RAB33A: variants seen among roughly 807,000 people sequenced by gnomAD.
RAB33A encodes the protein RAB33A, member RAS oncogene family, also known as ras-related protein Rab-33A.
RAB33A carries 6 observed loss-of-function variants against 12.0 expected under a neutral mutation model. The ratio of observed to expected loss-of-function variants is 0.50; its 90% CI spans 0.27 to 0.99. The LOEUF (loss-of-function observed/expected upper bound fraction) is 0.99, where lower values mean the gene tolerates loss of function less well. Among genes scored for constraint, RAB33A ranks in the 50% least tolerant of loss-of-function variants. The pLI, the probability that RAB33A is intolerant of heterozygous loss-of-function variation, is 0.11. For missense variants in RAB33A, 109 were observed against 192.0 expected, an observed-to-expected ratio of 0.57 and a Z score of 2.55; for synonymous variants, 70 against 82.4, an observed-to-expected ratio of 0.85 and a Z score of 0.81.
chrX:130,165,093 AT>A, the RAB33A span, among the ~76,000 whole-genome samples: 6 of 110,400 alleles, frequency 5.4e-5, no homozygotes, highest in African/African-American at 2.0e-4. Context: ...TTCACTGGGC[AT>A]TCAAATCCAT....
chrX:130,119,527 G>C, the RAB33A span, among the ~76,000 whole-genome samples: 1 of 111,240 alleles, frequency 9.0e-6, no homozygotes, highest in Non-Finnish European at 1.9e-5. Flanking sequence ...GGGGGCAGGG[G>C]GACGTCAAGC....
the RAB33A span, among the ~76,000 whole-genome samples, chrX:130,150,952 T>C: frequency 1.3e-5 from 1 of 76,213 alleles, no homozygotes. Flanking sequence ...CACTCCAGCC[T>C]GGGCGATAGA....
At chrX:130,136,741 C>T in the RAB33A span, 2 of 1,199,974 alleles carry the variant, frequency 1.7e-6, no homozygotes, top group African/African-American at 1.8e-5. Context: ...TCTGTAAAGG[C>T]AAACAAGACC....
At chrX:130,177,864 G>C (rs2124686675) in intron 1 of RAB33A, among the ~76,000 whole-genome samples, 1 of 112,227 alleles carries the variant, frequency 8.9e-6, no homozygotes, top group Admixed American at 9.4e-5. Flanking sequence ...GTGGCTAAGA[G>C]GCAGTCTTCA....
chrX:130,156,350 TCC>T, the RAB33A span: 1 of 1,062,742 alleles, frequency 9.4e-7, no homozygotes, highest in Admixed American at 2.3e-5. Flanking sequence ...TGAAAATTTT[TCC>T]AAAAGGAGAA....
the RAB33A span, among the ~76,000 whole-genome samples, chrX:130,135,439 T>TAAAAA: frequency 4.1e-5 from 3 of 72,964 alleles, no homozygotes; most frequent in African/African-American, 1.8e-4. Context: ...TTTTTTTTTT[T>TAAAAA]AAAAAAAAAA....
chrX:130,117,742 C>G, the RAB33A span, among the ~76,000 whole-genome samples: 1 of 112,608 alleles, frequency 8.9e-6, no homozygotes, highest in Non-Finnish European at 1.9e-5. Context: ...CTGCCCTGGG[C>G]TCCTATCAGA....
At chrX:130,136,986 C>T in the RAB33A span, 6 of 1,202,784 alleles carry the variant, frequency 5.0e-6, no homozygotes, top group East Asian at 3.0e-5. Flanking sequence ...GGTGATAGGG[C>T]TTATGTCAAG....
intron 1 of RAB33A, among the ~76,000 whole-genome samples, chrX:130,174,952 G>A (rs2031649282): frequency 2.7e-5 from 3 of 110,758 alleles, no homozygotes; most frequent in African/African-American, 6.6e-5. Context: ...GAGTCCTGAT[G>A]AACTCAATTG....
the RAB33A span, chrX:130,130,154 C>A: frequency 8.3e-7 from 1 of 1,209,944 alleles, no homozygotes; most frequent in African/African-American, 1.7e-5. Flanking sequence ...ACTCTCTGAT[C>A]GGATACCAGT....
chrX:130,181,952 T>TAATA (rs1213722677), intron 1 of RAB33A, among the ~76,000 whole-genome samples: 3 of 107,616 alleles, frequency 2.8e-5, no homozygotes, highest in Non-Finnish European at 3.8e-5. Flanking sequence ...CATCTCAAAA[T>TAATA]AATAAATAAA....
chrX:130,133,148 T>C, the RAB33A span, among the ~76,000 whole-genome samples: 1 of 112,006 alleles, frequency 8.9e-6, no homozygotes, highest in Non-Finnish European at 1.9e-5. Flanking sequence ...AGGACACTTC[T>C]GCCAGATGGC....
the RAB33A span, among the ~76,000 whole-genome samples, chrX:130,128,820 C>T: frequency 3.6e-5 from 4 of 111,898 alleles, no homozygotes; most frequent in African/African-American, 1.3e-4. Flanking sequence ...TGTGAAGCAC[C>T]AGGTCTCTGA....
chrX:130,146,571 G>A, the RAB33A span, among the ~76,000 whole-genome samples: 280 of 109,643 alleles, frequency 2.6e-3, 1 homozygote, highest in African/African-American at 9.0e-3. Context: ...ACTAGTGGGG[G>A]TGAGGGAAAA....
the RAB33A span, chrX:130,140,685 T>C: frequency 7.8e-5 from 63 of 807,935 alleles, 1 homozygote; most frequent in South Asian, 1.1e-3. Context: ...TTTATTGAGA[T>C]ATAATTCACA....
the RAB33A span, chrX:130,138,648 C>T: frequency 1.7e-6 from 2 of 1,210,728 alleles, no homozygotes; most frequent in South Asian, 3.5e-5. Context: ...CACCGATAAT[C>T]GTAATTGATT....
At chrX:130,153,061 G>A in the RAB33A span, among the ~76,000 whole-genome samples, 4 of 109,647 alleles carry the variant, frequency 3.6e-5, no homozygotes, top group Non-Finnish European at 3.8e-5. Context: ...GGCTGGGCAC[G>A]GTGGCTCACG....
At chrX:130,131,085 G>C in the RAB33A span, among the ~76,000 whole-genome samples, 2 of 112,094 alleles carry the variant, frequency 1.8e-5, no homozygotes, top group African/African-American at 6.5e-5. Context: ...CAAGGAATAA[G>C]GTCTCGGAGT....
the RAB33A span, chrX:130,147,496 C>T: frequency 9.1e-6 from 11 of 1,211,951 alleles, no homozygotes; most frequent in South Asian, 1.6e-4. Flanking sequence ...AACACACCTT[C>T]TCTCTTTTCC....
Sources: allele counts gnomAD v4.1 joint callset (sites outside exome capture counted in the v4.1 genomes callset), GRCh38; gene constraint gnomAD v4.1.1; transcripts MANE v1.5; gene names NCBI Gene and HGNC (gene_info 2026-07-23, HGNC 2026-07-21).